CAMK1D: variants seen among roughly 807,000 people sequenced by gnomAD.
CAMK1D encodes calcium/calmodulin-dependent protein kinase type 1D.
CAMK1D carries 9 observed loss-of-function variants against 47.7 expected under a neutral mutation model. The ratio of observed to expected loss-of-function variants is 0.19; its 90% CI spans 0.11 to 0.33. The LOEUF (loss-of-function observed/expected upper bound fraction) is 0.33. CAMK1D is among the 10% of genes least tolerant of loss of function. The pLI, the probability that CAMK1D is intolerant of heterozygous loss-of-function variation, is 1.00. For missense variants in CAMK1D, 291 were observed against 488.7 expected (o/e 0.60, Z 3.81); for synonymous variants, 184 against 184.9 (o/e 0.99, Z 0.04).
At chr10:12,568,844 C>T (rs1348005341) in intron 2 of CAMK1D, among the ~76,000 whole-genome samples, 1 of 152,100 alleles carries the variant, frequency 6.6e-6, no homozygotes, top group African/African-American at 2.4e-5. Flanking sequence ...CGTGCTTTGC[C>T]TCCCGGAGGG....
At chr10:12,621,567 A>G (rs1203369941) in intron 2 of CAMK1D, among the ~76,000 whole-genome samples, 1 of 152,244 alleles carries the variant, frequency 6.6e-6, no homozygotes, top group Non-Finnish European at 1.5e-5. Context: ...ATGTTTGCTT[A>G]GATTTATACC....
At chr10:12,555,938 C>G (rs1257054723) in intron 2 of CAMK1D, among the ~76,000 whole-genome samples, 1 of 152,212 alleles carries the variant, frequency 6.6e-6, no homozygotes, top group African/African-American at 2.4e-5. Context: ...TGTCTTCACC[C>G]TGCGCCTCAC....
At chr10:12,391,479 C>T (rs1342561668) in intron 1 of CAMK1D, among the ~76,000 whole-genome samples, 3 of 152,106 alleles carry the variant, frequency 2.0e-5, no homozygotes, top group African/African-American at 7.2e-5. Context: ...AATTCTTTTG[C>T]CAATTTTCCA....
rs1039991473 is a variant in CAMK1D at position 12,835,457 on chromosome 10, T to A, written c.*6570T>A. 28 of 152,242 alleles carry A rather than the reference T, an allele frequency of 1.8e-4. No individual in the cohort carries two copies. Among genetic ancestry groups the A allele is most frequent in the African/African-American group, 6.3e-4 (26 of 41,456 alleles). The allele number at this position is 152,242 out of a possible 1,614,324, so 9.4% of individuals were successfully genotyped here. ...AGCAAATGATTCTCTGCCTTGACAA[T>A]CATGTATACATATCAAGATTTCTAT... On this transcript the variant is annotated 3_prime_UTR_variant, in exon 11 of 11. Transcript: ENST00000619168.
chr10:12,764,392 A>AC (rs1564544209), intron 4 of CAMK1D, among the ~76,000 whole-genome samples: 3 of 148,144 alleles, frequency 2.0e-5, no homozygotes, highest in African/African-American at 7.3e-5. Flanking sequence ...AAAAAAAAAA[A>AC]AAAAAACATT....
At chr10:12,541,842 T>TCTTTCTTCCTTCCTTCCTTC (rs374911157) in intron 1 of CAMK1D, among the ~76,000 whole-genome samples, 2 of 116,608 alleles carry the variant, frequency 1.7e-5, no homozygotes, top group Non-Finnish European at 3.5e-5. Context: ...CTGTGTTTTA[T>TCTTTCTTCCTTCCTTCCTTC]CTTCCTTCCT....
At chr10:12,692,019 T>C (rs568808601) in intron 3 of CAMK1D, among the ~76,000 whole-genome samples, 1 of 152,344 alleles carries the variant, frequency 6.6e-6, no homozygotes, top group East Asian at 1.9e-4. Context: ...ACTTTGGCTT[T>C]TATGACTGAC....
chr10:12,809,591 C>T (rs1832516332), intron 6 of CAMK1D, among the ~76,000 whole-genome samples: 1 of 152,158 alleles, frequency 6.6e-6, no homozygotes, highest in Non-Finnish European at 1.5e-5. Context: ...CATGGGTGAA[C>T]CTTGAGGACA....
At chr10:12,614,859 T>C (rs1327397353) in intron 2 of CAMK1D, among the ~76,000 whole-genome samples, 2 of 152,294 alleles carry the variant, frequency 1.3e-5, no homozygotes, top group Admixed American at 6.5e-5. Flanking sequence ...ATACCAGCTA[T>C]TGTGTTAGAA....
chr10:12,563,278 C>T (rs1837001447), intron 2 of CAMK1D, among the ~76,000 whole-genome samples: 1 of 152,142 alleles, frequency 6.6e-6, no homozygotes, highest in Non-Finnish European at 1.5e-5. Flanking sequence ...TCACTTGAGT[C>T]CAGGAGTCGA....
At chr10:12,712,489 T>C (rs1439743097) in intron 3 of CAMK1D, among the ~76,000 whole-genome samples, 1 of 152,176 alleles carries the variant, frequency 6.6e-6, no homozygotes, top group Admixed American at 6.5e-5. Flanking sequence ...AGGGTGGAAG[T>C]TCCAGAGCAA....
chr10:12,492,004 C>T (rs138885882), intron 1 of CAMK1D, among the ~76,000 whole-genome samples: 7 of 152,274 alleles, frequency 4.6e-5, no homozygotes, highest in South Asian at 2.1e-4. Flanking sequence ...AGGCTGGTCT[C>T]GAACTCCTGA....
intron 1 of CAMK1D, among the ~76,000 whole-genome samples, chr10:12,524,074 A>G (rs976075700): frequency 2.6e-5 from 4 of 151,838 alleles, no homozygotes; most frequent in African/African-American, 9.7e-5. Flanking sequence ...TGTATATTTT[A>G]GTAGAGACAG....
intron 1 of CAMK1D, among the ~76,000 whole-genome samples, chr10:12,413,282 C>G (rs1839727358): frequency 6.6e-6 from 1 of 152,144 alleles, no homozygotes; most frequent in African/African-American, 2.4e-5. Flanking sequence ...GTGCCACACA[C>G]TTGCAAGAAC....
At chr10:12,614,751 T>A (rs1588691250) in intron 2 of CAMK1D, among the ~76,000 whole-genome samples, 1 of 152,266 alleles carries the variant, frequency 6.6e-6, no homozygotes, top group Admixed American at 6.5e-5. Context: ...ACCCTCACCC[T>A]CCACAAGGCT....
intron 1 of CAMK1D, among the ~76,000 whole-genome samples, chr10:12,422,007 C>T (rs937779273): frequency 7.2e-5 from 11 of 152,214 alleles, no homozygotes; most frequent in African/African-American, 2.6e-4. Flanking sequence ...TGGGGTTTCA[C>T]CATGTTCGTC....
At chr10:12,580,037 G>A (rs577864500) in intron 2 of CAMK1D, among the ~76,000 whole-genome samples, 27 of 152,274 alleles carry the variant, frequency 1.8e-4, no homozygotes, top group Admixed American at 4.6e-4. Context: ...CCACTGGGGC[G>A]TTTTTCCTTC....
chr10:12,466,224 G>A (rs574437894), intron 1 of CAMK1D, among the ~76,000 whole-genome samples: 39 of 152,120 alleles, frequency 2.6e-4, no homozygotes, highest in African/African-American at 8.2e-4. Context: ...TGGCTAACAC[G>A]GTGAAACCCC....
intron 5 of CAMK1D, among the ~76,000 whole-genome samples, chr10:12,787,787 G>A (rs1053797092): frequency 2.6e-5 from 4 of 152,118 alleles, no homozygotes; most frequent in Admixed American, 6.5e-5. Context: ...GGATCATGAG[G>A]TCAGGAGTTC....
Sources: allele counts gnomAD v4.1 joint callset (sites outside exome capture counted in the v4.1 genomes callset), GRCh38; gene constraint gnomAD v4.1.1; transcripts MANE v1.5; gene names NCBI Gene and HGNC (gene_info 2026-07-23, HGNC 2026-07-21).